Variants in PARD3B observed in about 807,000 individuals in gnomAD.
PARD3B encodes partitioning defective 3 homolog B.
A neutral mutation model predicts 130.2 loss-of-function variants in PARD3B; 103 were observed. That is an observed-to-expected ratio of 0.79 (90% CI 0.67 to 0.93). The LOEUF (loss-of-function observed/expected upper bound fraction) is 0.93, where lower values mean the gene tolerates loss of function less well. Ranked by LOEUF, PARD3B falls within the 40% of genes least tolerant of loss-of-function variation. The probability of loss-of-function intolerance (pLI) is 0.00; values close to 1 mark genes in which losing one functional copy is unlikely to be tolerated. For missense variants in PARD3B, 1,609 were observed against 1,499.2 expected (o/e 1.07, Z -1.21); for synonymous variants, 583 against 553.2 (o/e 1.05, Z -0.76).
intron 3 of PARD3B, among the ~76,000 whole-genome samples, chr2:204,985,659 A>G (rs1447198306): frequency 6.6e-6 from 1 of 152,122 alleles, no homozygotes. Context: ...CACAGTTGTT[A>G]TATGTGAAAA....
At chr2:204,990,300 G>T (rs1179209077) in intron 3 of PARD3B, among the ~76,000 whole-genome samples, 1 of 151,410 alleles carries the variant, frequency 6.6e-6, no homozygotes, top group Admixed American at 6.6e-5. Flanking sequence ...CGTATTTTTG[G>T]AGTACATGTG....
At chr2:205,018,766 A>G (rs1182491213) in intron 3 of PARD3B, among the ~76,000 whole-genome samples, 2 of 139,354 alleles carry the variant, frequency 1.4e-5, no homozygotes, top group Non-Finnish European at 3.1e-5. Context: ...CTGATTAATA[A>G]AATATGCTTT....
At chr2:205,387,655 G>A (rs189894375) in intron 18 of PARD3B, among the ~76,000 whole-genome samples, 1 of 152,134 alleles carries the variant, frequency 6.6e-6, no homozygotes, top group African/African-American at 2.4e-5. Flanking sequence ...AAATACTGTG[G>A]GTTTCTACAG....
chr2:205,309,069 T>C lies in PARD3B; in HGVS notation c.2630+7368T>C, dbSNP rs768983483. On this transcript the variant is annotated intron_variant, in intron 18 of 22. Coordinates refer to ENST00000406610, the MANE Select transcript of PARD3B (RefSeq NM_001302769.2). The surrounding 1 kb of genome is among the most constrained non-coding windows in gnomAD (Gnocchi z 4.7). ...CCAAATCACTTTATGCCTGCTTTTG[T>C]TTTCTTTTTTGCAACTTATAAATAT... is the stretch of plus-strand genomic sequence containing the variant. 3.9e-5 allele frequency among the ~76,000 whole-genome samples: 5 copies of C among 129,100 alleles called. No homozygotes were observed. Among genetic ancestry groups the C allele is most frequent in the Non-Finnish European group, 7.1e-5 (4 of 56,676 alleles). 84.7% of individuals were successfully genotyped at this position (129,100 alleles called of 152,430 possible).
intron 15 of PARD3B, among the ~76,000 whole-genome samples, chr2:205,200,448 A>G (rs1252570843): frequency 6.6e-6 from 1 of 152,228 alleles, no homozygotes; most frequent in Non-Finnish European, 1.5e-5. Context: ...AAAGAAGAGT[A>G]AAGAAGGAAA....
chr2:205,012,378 T>G (rs1199156604), intron 3 of PARD3B, among the ~76,000 whole-genome samples: 1 of 152,310 alleles, frequency 6.6e-6, no homozygotes, highest in East Asian at 1.9e-4. Context: ...TCCTGATAGA[T>G]AGTATTTCCT....
At chr2:204,955,249 A>G (rs1690136455) in intron 2 of PARD3B, among the ~76,000 whole-genome samples, 1 of 152,228 alleles carries the variant, frequency 6.6e-6, no homozygotes, top group Non-Finnish European at 1.5e-5. Flanking sequence ...TAGTTTTACA[A>G]TTTCAAAATA....
At chr2:204,981,701 A>C (rs1265573444) in intron 3 of PARD3B, among the ~76,000 whole-genome samples, 1 of 152,216 alleles carries the variant, frequency 6.6e-6, no homozygotes, top group Admixed American at 6.5e-5. Context: ...AGTAACCATA[A>C]TAAATGAGAT....
chr2:204,759,459 T>C (rs558720716), intron 2 of PARD3B, among the ~76,000 whole-genome samples: 1 of 152,230 alleles, frequency 6.6e-6, no homozygotes, highest in Non-Finnish European at 1.5e-5. Flanking sequence ...TATAGCAGTG[T>C]TTTTAAGCAT....
chr2:205,245,890 T>G, intron 16 of PARD3B, 68 bp downstream of exon 16: 1 of 1,329,950 alleles, frequency 7.5e-7, no homozygotes, highest in Middle Eastern at 1.8e-4. Flanking sequence ...TTAGTAGCAG[T>G]TGGAACCTGT....
intron 1 of PARD3B, among the ~76,000 whole-genome samples, chr2:204,661,981 C>T (rs2035825885): frequency 6.6e-6 from 1 of 152,146 alleles, no homozygotes; most frequent in African/African-American, 2.4e-5. Context: ...GTATTCTTCT[C>T]TAATACTGTA....
chr2:205,450,466 CTTTTTT>C (rs869229400), intron 20 of PARD3B, among the ~76,000 whole-genome samples: 4 of 78,378 alleles, frequency 5.1e-5, no homozygotes, highest in African/African-American at 1.1e-4. Context: ...AGTGCAGATT[CTTTTTT>C]TTTTTTTTTT....
At chr2:205,126,375 C>G (rs2031397344) in intron 10 of PARD3B, among the ~76,000 whole-genome samples, 1 of 152,020 alleles carries the variant, frequency 6.6e-6, no homozygotes, top group African/African-American at 2.4e-5. Context: ...CTATCTATTG[C>G]AGTGATATAT....
rs1038979530 is a variant in PARD3B, at chr2:205,592,727, G to A, written c.3261-22729G>A. 2.0e-5 allele frequency among the ~76,000 whole-genome samples: 3 copies of A among 152,238 alleles called. No homozygotes were observed. The highest frequency in any genetic ancestry group is 7.2e-5 in the African/African-American group (3 of 41,474). The stretch of plus-strand genomic sequence containing the variant: ...ATTACTCAGTTAGCTCATAGGAGGG[G>A]CATCTGATTCAGAAGTAAAGGATCA... On this transcript the variant is annotated intron_variant, in intron 22 of 22. Coordinates refer to ENST00000406610, the MANE Select transcript of PARD3B (RefSeq NM_001302769.2). The surrounding 1 kb of genome is among the most constrained non-coding windows in gnomAD (Gnocchi z 4.5).
Position 205,300,650 on chromosome 2 carries a change from C to A in PARD3B, c.2306C>A (p.Pro769Gln). 6.2e-7 allele frequency: 1 copy of A among 1,613,946 alleles called. No individual in the cohort carries two copies. Among genetic ancestry groups the A allele is most frequent in the South Asian group, 1.1e-5 (1 of 91,070 alleles). Residue 769 changes from proline to glutamine, a missense_variant, in exon 17 of 23, where the codon CCG becomes CAG. Transcript: ENST00000406610. The surrounding 1 kb of genome is among the most constrained non-coding windows in gnomAD (Gnocchi z 4.1). ...GACCTTCCCTTTCACAGGCCCCGGC[C>A]GCACATGGTTCGAGGCCGAGGCTGC... ...KNDLPFHRPR[P>Q]HMVRGRGCNE...
intron 19 of PARD3B, among the ~76,000 whole-genome samples, chr2:205,425,124 A>T (rs1458817924): frequency 6.6e-6 from 1 of 152,146 alleles, no homozygotes; most frequent in African/African-American, 2.4e-5. Context: ...CACTAATGAC[A>T]CCTTTTGTAG....
chr2:205,351,815 G>A lies in PARD3B; in HGVS notation c.2631-49198G>A, dbSNP rs1377379677. ...GGCAGAAACAAGAAAAAAAAAAAAC[G>A]TTGGCTTCCAGAGACCAGAGACTTT... On this transcript the variant is annotated intron_variant, in intron 18 of 22. Coordinates refer to ENST00000406610, the MANE Select transcript of PARD3B (RefSeq NM_001302769.2). The surrounding 1 kb of genome is among the most constrained non-coding windows in gnomAD (Gnocchi z 4.2). Among the ~76,000 whole-genome samples the A allele has an allele frequency of 6.7e-6, 1 of 150,014 alleles. No homozygotes were observed. The highest frequency in any genetic ancestry group is 2.4e-5 in the African/African-American group (1 of 40,950).
chr2:204,902,441 G>A (rs1008317147), intron 2 of PARD3B, among the ~76,000 whole-genome samples: 1 of 151,994 alleles, frequency 6.6e-6, no homozygotes, highest in Non-Finnish European at 1.5e-5. Context: ...AGGCCGAAGC[G>A]GGCGGATCAC....
At chr2:204,701,591 G>A (rs759570616) in intron 2 of PARD3B, among the ~76,000 whole-genome samples, 64 of 152,140 alleles carry the variant, frequency 4.2e-4, no homozygotes, top group Non-Finnish European at 7.4e-4. Flanking sequence ...TCTATTTTAA[G>A]TTGAGTGTTG....
Sources: gnomAD v4.1 joint callset for allele counts (sites outside exome capture counted in the v4.1 genomes callset) on GRCh38, gnomAD v4.1.1 for gene constraint, Gnocchi (gnomAD v3.1) non-coding constraint, MANE v1.5 for transcripts, NCBI Gene and HGNC (gene_info 2026-07-23, HGNC 2026-07-21) for gene names.